Variants in SAMD5 observed in about 807,000 individuals in gnomAD.
The protein encoded by SAMD5 is sterile alpha motif domain-containing protein 5.
In SAMD5, 13 loss-of-function variants were observed where a neutral mutation model predicts 11.3. The ratio of observed to expected loss-of-function variants is 1.15; its 90% CI spans 0.75 to 1.83. The LOEUF is 1.83. Ranked by LOEUF, SAMD5 falls within the 40% of genes most tolerant of loss-of-function variation. The pLI is 0.00. For missense variants in SAMD5, 255 were observed against 239.1 expected, an observed-to-expected ratio of 1.07 and a Z score of -0.44; for synonymous variants, 129 against 111.3, an observed-to-expected ratio of 1.16 and a Z score of -1.00.
chr6:147,724,966 T>G (rs1351013592), intron 1 of SAMD5, among the ~76,000 whole-genome samples: 2 of 152,218 alleles, frequency 1.3e-5, no homozygotes, highest in African/African-American at 4.8e-5. Context: ...CAGATTTTGT[T>G]GCATCTACAA....
chr6:147,589,062 A>T (rs1009863367), intron 1 of SAMD5, among the ~76,000 whole-genome samples: 5 of 151,880 alleles, frequency 3.3e-5, no homozygotes, highest in African/African-American at 1.2e-4. Context: ...GGCGCAAGTG[A>T]TCCTCCTGCC....
intron 1 of SAMD5, among the ~76,000 whole-genome samples, chr6:147,585,600 C>T (rs943584722): frequency 6.6e-6 from 1 of 152,082 alleles, no homozygotes; most frequent in African/African-American, 2.4e-5. Context: ...TAGGAAATCA[C>T]CCCTTCATGG....
the SAMD5 span, among the ~76,000 whole-genome samples, chr6:147,793,940 G>A: frequency 6.6e-6 from 1 of 152,090 alleles, no homozygotes; most frequent in Non-Finnish European, 1.5e-5. Flanking sequence ...GCTGGTACCT[G>A]CAAGACAGCT....
the SAMD5 span, among the ~76,000 whole-genome samples, chr6:147,926,622 A>G: frequency 3.3e-5 from 5 of 150,868 alleles, no homozygotes. Context: ...CCTTCTTTGG[A>G]TTGTCTGTTT....
chr6:147,673,290 T>C (rs956098475), intron 1 of SAMD5, among the ~76,000 whole-genome samples: 23 of 152,194 alleles, frequency 1.5e-4, no homozygotes, highest in African/African-American at 5.1e-4. Flanking sequence ...CTCTGCTCAC[T>C]GCAAGCTCCG....
chr6:147,574,758 G>A (rs1276547980), downstream of SAMD5, among the ~76,000 whole-genome samples: 1 of 152,184 alleles, frequency 6.6e-6, no homozygotes, highest in Non-Finnish European at 1.5e-5. Flanking sequence ...TGAATGTTTT[G>A]TGAAGCCTCT....
chr6:147,644,523 C>G (rs192876491), intron 1 of SAMD5, among the ~76,000 whole-genome samples: 1 of 152,260 alleles, frequency 6.6e-6, no homozygotes, highest in Admixed American at 6.5e-5. Flanking sequence ...GGAATAAACA[C>G]AATCTCAGCT....
chr6:147,896,852 T>A, the SAMD5 span, among the ~76,000 whole-genome samples: 77 of 151,106 alleles, frequency 5.1e-4, no homozygotes, highest in Non-Finnish European at 9.9e-4. Context: ...AATATTGAAG[T>A]ATTGACCCCT....
At chr6:147,702,817 A>ATGTGTGTG (rs147257150) in intron 1 of SAMD5, among the ~76,000 whole-genome samples, 92 of 150,040 alleles carry the variant, frequency 6.1e-4, no homozygotes, top group Admixed American at 1.5e-3. Flanking sequence ...CTATTTGTAT[A>ATGTGTGTG]TGTGTGTGTG....
chr6:147,556,559 C>G (rs17076945), intron 1 of SAMD5, among the ~76,000 whole-genome samples: 1 of 152,100 alleles, frequency 6.6e-6, no homozygotes, highest in Non-Finnish European at 1.5e-5. Context: ...AGAGAATGGC[C>G]GGGATACAAC....
intron 1 of SAMD5, among the ~76,000 whole-genome samples, chr6:147,655,243 G>A (rs563365393): frequency 6.6e-6 from 1 of 152,298 alleles, no homozygotes; most frequent in South Asian, 2.1e-4. Context: ...TAACATGTAA[G>A]TGTAAAAAGA....
the SAMD5 span, among the ~76,000 whole-genome samples, chr6:147,880,051 C>T: frequency 6.6e-5 from 10 of 152,310 alleles, no homozygotes; most frequent in South Asian, 2.1e-3. Flanking sequence ...TATGGAACAT[C>T]TGCTATGGGT....
intron 1 of SAMD5, among the ~76,000 whole-genome samples, chr6:147,673,013 T>G (rs1790814991): frequency 1.3e-5 from 2 of 152,176 alleles, no homozygotes; most frequent in Non-Finnish European, 2.9e-5. Flanking sequence ...TCTACAATTA[T>G]GCTACTCTTA....
At chr6:147,576,448 C>T (rs1324592809) in intron 1 of SAMD5, among the ~76,000 whole-genome samples, 1 of 152,108 alleles carries the variant, frequency 6.6e-6, no homozygotes, top group Non-Finnish European at 1.5e-5. Flanking sequence ...CAAATATTTT[C>T]AAGTTTTAAG....
chr6:147,746,117 T>C, the SAMD5 span, among the ~76,000 whole-genome samples: 4 of 152,164 alleles, frequency 2.6e-5, no homozygotes, highest in Non-Finnish European at 4.4e-5. Context: ...CACTGGATGG[T>C]TGTGAGGATG....
intron 1 of SAMD5, among the ~76,000 whole-genome samples, chr6:147,694,627 G>A (rs1158981773): frequency 6.6e-6 from 1 of 152,082 alleles, no homozygotes; most frequent in Non-Finnish European, 1.5e-5. Context: ...GACCAGCCTG[G>A]GCAACATAGG....
At chr6:147,798,573 G>T in the SAMD5 span, among the ~76,000 whole-genome samples, 1 of 152,018 alleles carries the variant, frequency 6.6e-6, no homozygotes. Flanking sequence ...TTCTGTGGAT[G>T]TCTATTAGGT....
chr6:147,939,393 A>T, the SAMD5 span, among the ~76,000 whole-genome samples: 1 of 152,064 alleles, frequency 6.6e-6, no homozygotes, highest in Non-Finnish European at 1.5e-5. Flanking sequence ...GTTGGGTAAA[A>T]CTTCCAACCC....
the SAMD5 span, among the ~76,000 whole-genome samples, chr6:147,840,924 GGAA>G: frequency 2.0e-5 from 3 of 152,322 alleles, no homozygotes; most frequent in East Asian, 1.9e-4. Flanking sequence ...CATGGAGCTG[GGAA>G]GAAGGAGAGT....
Sources: gnomAD v4.1 joint callset for allele counts (sites outside exome capture counted in the v4.1 genomes callset) on GRCh38, gnomAD v4.1.1 for gene constraint, MANE v1.5 for transcripts, NCBI Gene and HGNC (gene_info 2026-07-23, HGNC 2026-07-21) for gene names.